The following SAXO1 variants were observed in gnomAD, a reference collection of about 807,000 sequenced individuals.
The protein encoded by SAXO1 is stabilizer of axonemal microtubules 1, also known as 4930500O09Rik.
SAXO1 carries 21 observed loss-of-function variants against 17.5 expected under a neutral mutation model. The observed-to-expected ratio is 1.20, with a 90% confidence interval of 0.85 to 1.72. SAXO1 has a LOEUF of 1.72. SAXO1 is among the 40% of genes most tolerant of loss of function. The pLI is 0.00. For missense variants in SAXO1, 843 were observed against 596.0 expected, an observed-to-expected ratio of 1.41 and a Z score of -4.32; for synonymous variants, 274 against 216.5, an observed-to-expected ratio of 1.27 and a Z score of -2.33.
chr9:19,027,911 G>A, intron 1 of SAXO1: 2 of 1,379,634 alleles, frequency 1.4e-6, no homozygotes, highest in Non-Finnish European at 2.0e-6. Context: ...CCAGAATCAT[G>A]CAGATCCACT....
chr9:19,029,600 G>C (rs76835637), intron 1 of SAXO1, among the ~76,000 whole-genome samples: 1,875 of 152,180 alleles, frequency 0.012, 34 homozygotes, highest in African/African-American at 0.043. Context: ...ATTGGGGTGG[G>C]AGAGATCAAG....
At chr9:19,014,981 T>A (rs1474026601) in intron 1 of SAXO1, among the ~76,000 whole-genome samples, 2 of 152,100 alleles carry the variant, frequency 1.3e-5, no homozygotes, top group South Asian at 2.1e-4. Flanking sequence ...GAGTAAACGA[T>A]CCTTTCCTGA....
intron 1 of SAXO1, among the ~76,000 whole-genome samples, chr9:19,039,688 G>C (rs1268748727): frequency 6.6e-6 from 1 of 152,152 alleles, no homozygotes. Context: ...TAGTCGGTTG[G>C]CTTCATTATG....
At chr9:18,955,147 G>A (rs886094225) in intron 1 of SAXO1, among the ~76,000 whole-genome samples, 2 of 152,148 alleles carry the variant, frequency 1.3e-5, no homozygotes, top group African/African-American at 4.8e-5. Context: ...AGTGTGCTAT[G>A]ATCTTGTCTG....
At chr9:19,008,671 T>C (rs1466333829) in intron 1 of SAXO1, among the ~76,000 whole-genome samples, 1 of 152,220 alleles carries the variant, frequency 6.6e-6, no homozygotes, top group East Asian at 1.9e-4. Context: ...TCTTCTATAA[T>C]ACTTCTGTGA....
At chr9:18,934,265 C>G (rs1831190935) in intron 3 of SAXO1, among the ~76,000 whole-genome samples, 2 of 151,792 alleles carry the variant, frequency 1.3e-5, no homozygotes, top group Admixed American at 6.5e-5. Flanking sequence ...ATTAATCTAT[C>G]ATTTTTCTGC....
chr9:18,930,752 G>A (rs1188607981), intron 3 of SAXO1, among the ~76,000 whole-genome samples: 1 of 152,132 alleles, frequency 6.6e-6, no homozygotes, highest in Non-Finnish European at 1.5e-5. Context: ...GCCCACCTCG[G>A]CCTCCCAAAG....
intron 2 of SAXO1, among the ~76,000 whole-genome samples, chr9:18,944,307 A>T (rs541615311): frequency 1.2e-4 from 19 of 152,366 alleles, no homozygotes; most frequent in African/African-American, 4.3e-4. Context: ...GAGTGAATTT[A>T]ATCAGAATTT....
At chr9:19,021,787 G>C (rs1835243289) in intron 1 of SAXO1, among the ~76,000 whole-genome samples, 1 of 150,608 alleles carries the variant, frequency 6.6e-6, no homozygotes, top group Non-Finnish European at 1.5e-5. Flanking sequence ...GCACCAGTCA[G>C]CAATCTGTGT....
At chr9:18,962,312 C>T (rs1447504274) in intron 1 of SAXO1, among the ~76,000 whole-genome samples, 1 of 152,250 alleles carries the variant, frequency 6.6e-6, no homozygotes, top group East Asian at 1.9e-4. Context: ...AGATGATCTG[C>T]CCGCCTTGGC....
In SAXO1 at chr9:18,928,363, T is replaced by C; in HGVS notation, c.1114A>G (p.Thr372Ala). ...GGCACATAGTGGGCCCGAGTGGTGGTCAGGCAGTCCAGGGGCTCGGTGGGC... is the reference window on the plus strand; with the variant it reads ...GGCACATAGTGGGCCCGAGTGGTGGCCAGGCAGTCCAGGGGCTCGGTGGGC... ...DLPTEPLDCL[T>A]TTRAHYVPHL... The change falls in exon 4 of 4, where the codon ACC becomes GCC. Residue 372 changes from threonine to alanine, a missense_variant. Transcript: ENST00000380534. The C allele has an allele frequency of 1.9e-6, 3 of 1,613,148 alleles. No individual in the cohort carries two copies. Among genetic ancestry groups the C allele is most frequent in the Non-Finnish European group, 2.5e-6 (3 of 1,179,630 alleles).
chr9:18,963,644 T>C (rs1250353174), intron 1 of SAXO1, among the ~76,000 whole-genome samples: 1 of 152,246 alleles, frequency 6.6e-6, no homozygotes, highest in Non-Finnish European at 1.5e-5. Flanking sequence ...ATTGATTTCT[T>C]ATCCTGAGAC....
At chr9:18,999,162 A>G (rs1169350959) in intron 1 of SAXO1, among the ~76,000 whole-genome samples, 1 of 152,236 alleles carries the variant, frequency 6.6e-6, no homozygotes, top group African/African-American at 2.4e-5. Flanking sequence ...CAGACTGGCA[A>G]ATTGGATAAA....
chr9:19,008,292 T>C (rs1834572506), intron 1 of SAXO1, among the ~76,000 whole-genome samples: 3 of 152,120 alleles, frequency 2.0e-5, no homozygotes. Flanking sequence ...TGGTCCTTTA[T>C]AGAAAAAGAT....
chr9:19,034,337 T>G (rs1205420692), upstream of SAXO1, among the ~76,000 whole-genome samples: 2 of 148,964 alleles, frequency 1.3e-5, no homozygotes, highest in African/African-American at 5.1e-5. Flanking sequence ...AACTATTGTC[T>G]GCAGTTGGCC....
chr9:18,959,508 T>C (rs1832395936), intron 1 of SAXO1, among the ~76,000 whole-genome samples: 1 of 152,108 alleles, frequency 6.6e-6, no homozygotes, highest in African/African-American at 2.4e-5. Flanking sequence ...GTGTAGTTCA[T>C]GCCTGTAATC....
At chr9:18,989,519 G>A (rs1833722609) in intron 1 of SAXO1, among the ~76,000 whole-genome samples, 1 of 151,606 alleles carries the variant, frequency 6.6e-6, no homozygotes, top group African/African-American at 2.4e-5. Flanking sequence ...TTCATACAGA[G>A]CATGAGCTAA....
At chr9:19,005,559 A>C (rs2130971214) in intron 1 of SAXO1, among the ~76,000 whole-genome samples, 1 of 152,322 alleles carries the variant, frequency 6.6e-6, no homozygotes, top group Middle Eastern at 3.4e-3. Context: ...ATGGCACAGG[A>C]AAAGTTGGAT....
Position 18,928,831 on chromosome 9 carries a change from C to G in SAXO1, c.646G>C (p.Val216Leu), listed in dbSNP as rs117915008. ...GCTTCATGCACAAAGCGCTTCTCCA[C>G]GGGGTGGGCCACATAGCTCATCTTG... is the stretch of plus-strand genomic sequence containing the variant. ...NYKMSYVAHP[V>L]EKRFVHEAEK... The change falls in exon 4 of 4, where the codon GTG (valine) becomes CTG (leucine). Residue 216 changes from valine (V) to leucine (L), a missense_variant. Coordinates refer to ENST00000380534, the MANE Select transcript of SAXO1 (RefSeq NM_153707.4). 1 of 1,613,928 alleles carries G rather than the reference C, an allele frequency of 6.2e-7. No individual in the cohort carries two copies. The highest frequency in any genetic ancestry group is 1.3e-5 in the African/African-American group (1 of 74,888).
Sources: allele counts gnomAD v4.1 joint callset (sites outside exome capture counted in the v4.1 genomes callset), GRCh38; gene constraint gnomAD v4.1.1; transcripts MANE v1.5; gene names NCBI Gene and HGNC (gene_info 2026-07-23, HGNC 2026-07-21).